The following RBM47 variants were observed in gnomAD, a reference collection of about 807,000 sequenced individuals.
RBM47 encodes the protein RNA binding motif protein 47, also known as RNA-binding protein 47.
In RBM47, 21 loss-of-function variants were observed where a neutral mutation model predicts 47.1. That is an observed-to-expected ratio of 0.45 (90% CI 0.32 to 0.64). RBM47 has a LOEUF of 0.64. Among genes scored for constraint, RBM47 ranks in the 30% least tolerant of loss-of-function variants. RBM47 has a pLI of 0.05. For synonymous variants in RBM47, 375 were observed against 361.7 expected (o/e 1.04, Z -0.42); for missense variants, 708 against 870.9 (o/e 0.81, Z 2.35).
chr4:40,434,628 G>A (rs115399881), intron 5 of RBM47, among the ~76,000 whole-genome samples: 86,110 of 148,964 alleles, frequency 0.58, 27,002 homozygotes, highest in South Asian at 0.76. Context: ...TTTGCCCACA[G>A]TGCCAATGAC....
At chr4:40,442,821 ACAC>A (rs1380487265) in intron 3 of RBM47, among the ~76,000 whole-genome samples, 1 of 152,016 alleles carries the variant, frequency 6.6e-6, no homozygotes. Flanking sequence ...CTACAGGCGC[ACAC>A]CACCACGCCC....
chr4:40,619,757 T>C (rs1737080918), intron 1 of RBM47, among the ~76,000 whole-genome samples: 1 of 152,172 alleles, frequency 6.6e-6, no homozygotes, highest in Non-Finnish European at 1.5e-5. Context: ...TACTATTGTG[T>C]AGTACCTGTG....
At chr4:40,584,262 C>T (rs1413633460) in intron 1 of RBM47, among the ~76,000 whole-genome samples, 1 of 152,186 alleles carries the variant, frequency 6.6e-6, no homozygotes, top group Non-Finnish European at 1.5e-5. Flanking sequence ...CCGTGCTGGG[C>T]TGGTTGTTCA....
intron 4 of RBM47, among the ~76,000 whole-genome samples, chr4:40,437,090 A>AAAATATATATATATATAT (rs1256296949): frequency 2.0e-5 from 1 of 49,804 alleles, no homozygotes; most frequent in African/African-American, 1.1e-4. Context: ...AAAAAAAAAA[A>AAAATATATATATATATAT]ATATATATAT....
chr4:40,546,537 C>G lies in RBM47; in HGVS notation c.-239-2031G>C, dbSNP rs559686860. 9.8e-4 allele frequency among the ~76,000 whole-genome samples: 149 copies of G among 152,262 alleles called. 2 individuals are homozygous for G. The highest frequency in any genetic ancestry group is 7.3e-3 in the South Asian group (35 of 4,814). ...AAATGTCTCATTCCTGCGATCCCCT[C>G]CAAGAAAGACTACAACGTACCTCTT... On this transcript the variant is annotated intron_variant, in intron 1 of 6. Transcript: ENST00000295971.
chr4:40,537,137 G>T (rs1039396502), intron 2 of RBM47, among the ~76,000 whole-genome samples: 2 of 152,074 alleles, frequency 1.3e-5, no homozygotes, highest in Admixed American at 1.3e-4. Context: ...TTTGAGACAG[G>T]GTCTCACTCT....
At chr4:40,464,672 G>A (rs967501696) in intron 3 of RBM47, among the ~76,000 whole-genome samples, 2 of 151,786 alleles carry the variant, frequency 1.3e-5, no homozygotes, top group Non-Finnish European at 2.9e-5. Flanking sequence ...GGCCGAGGCG[G>A]GAGGATCACG....
At chr4:40,569,461 G>C (rs931360046) in intron 1 of RBM47, among the ~76,000 whole-genome samples, 1 of 150,264 alleles carries the variant, frequency 6.7e-6, no homozygotes, top group Non-Finnish European at 1.5e-5. Context: ...CCAGGCTGGA[G>C]TGCAGTGGTG....
chr4:40,549,109 T>TGGGG (rs369365106), intron 1 of RBM47, among the ~76,000 whole-genome samples: 382 of 146,806 alleles, frequency 2.6e-3, no homozygotes, highest in African/African-American at 9.5e-3. Context: ...TCTTTTTTTT[T>TGGGG]GGGGGGGGGG....
chr4:40,455,525 GGCTGAGGTGAGAA>G (rs1716108087), intron 3 of RBM47: 1 of 152,276 alleles, frequency 6.6e-6, no homozygotes, highest in Non-Finnish European at 1.5e-5. Flanking sequence ...CACTTTGGGA[GGCTGAGGTGAGAA>G]GCTTGCTTGA....
At chr4:40,617,548 A>C (rs1216493435) in intron 1 of RBM47, among the ~76,000 whole-genome samples, 2 of 151,936 alleles carry the variant, frequency 1.3e-5, no homozygotes, top group Non-Finnish European at 2.9e-5. Context: ...ACAGAGTGAG[A>C]CTCCATCTCA....
chr4:40,600,360 C>T (rs910297256), intron 1 of RBM47, among the ~76,000 whole-genome samples: 5 of 151,850 alleles, frequency 3.3e-5, no homozygotes, highest in South Asian at 2.1e-4. Context: ...AGAGGCCGGG[C>T]GCGGTGGCTC....
intron 2 of RBM47, among the ~76,000 whole-genome samples, chr4:40,497,611 T>A (rs966474570): frequency 5.3e-5 from 8 of 151,566 alleles, no homozygotes; most frequent in East Asian, 1.9e-4. Context: ...AATAATTTTT[T>A]AAAAAATTTT....
intron 3 of RBM47, among the ~76,000 whole-genome samples, chr4:40,445,260 C>G (rs1038669439): frequency 1.8e-3 from 242 of 130,988 alleles, no homozygotes; most frequent in African/African-American, 6.2e-3. Flanking sequence ...GGCGACAGAG[C>G]GAGACTCCGT....
chr4:40,533,438 G>GAA (rs1299731307), intron 2 of RBM47, among the ~76,000 whole-genome samples: 4 of 62,070 alleles, frequency 6.4e-5, no homozygotes, highest in Non-Finnish European at 1.1e-4. Context: ...TGTCTCAAAA[G>GAA]AAAAAAAAAA....
At chr4:40,547,797 T>C (rs1310537265) in intron 1 of RBM47, among the ~76,000 whole-genome samples, 1 of 152,260 alleles carries the variant, frequency 6.6e-6, no homozygotes, top group Non-Finnish European at 1.5e-5. Flanking sequence ...GGCTTGATGA[T>C]GCCCTTCAGG....
chr4:40,532,609 C>T (rs1727514175), intron 2 of RBM47, among the ~76,000 whole-genome samples: 1 of 151,634 alleles, frequency 6.6e-6, no homozygotes, highest in South Asian at 2.1e-4. Flanking sequence ...CCATGCCTGG[C>T]CTTTTTAAAA....
chr4:40,561,535 T>G (rs893685805), intron 1 of RBM47, among the ~76,000 whole-genome samples: 2 of 143,200 alleles, frequency 1.4e-5, no homozygotes, highest in African/African-American at 5.4e-5. Context: ...CTTTTTTGCT[T>G]CTTCTTTTCT....
At chr4:40,500,521 G>C (rs1425751846) in intron 2 of RBM47, among the ~76,000 whole-genome samples, 2 of 152,176 alleles carry the variant, frequency 1.3e-5, no homozygotes, top group Non-Finnish European at 2.9e-5. Flanking sequence ...TGAGGCAGGA[G>C]AATCACCTGA....
Sources: allele counts gnomAD v4.1 joint callset (sites outside exome capture counted in the v4.1 genomes callset), GRCh38; gene constraint gnomAD v4.1.1; transcripts MANE v1.5; gene names NCBI Gene and HGNC (gene_info 2026-07-23, HGNC 2026-07-21).